LSM2: variants seen among roughly 807,000 people sequenced by gnomAD.
LSM2 encodes the protein U6 snRNA-associated Sm-like protein LSm2.
Under a neutral mutation model 17.0 loss-of-function variants are expected in LSM2, and 12 were observed. That is an observed-to-expected ratio of 0.70 (90% CI 0.45 to 1.14). The LOEUF (loss-of-function observed/expected upper bound fraction) is 1.14. LSM2 is among the 50% of genes most tolerant of loss of function. The pLI, the probability that LSM2 is intolerant of heterozygous loss-of-function variation, is 0.00. For synonymous variants in LSM2, 42 were observed against 44.5 expected, an observed-to-expected ratio of 0.94 and a Z score of 0.22; for missense variants, 62 against 111.8, an observed-to-expected ratio of 0.55 and a Z score of 2.01.
chr6:31,806,684 A>G (rs1815056212), intron 1 of LSM2, 71 bp downstream of exon 1: 10 of 1,584,004 alleles, frequency 6.3e-6, no homozygotes, highest in Non-Finnish European at 8.6e-6. Context: ...CTAGGGGTAC[A>G]AAGGCCAGAT....
At chr6:31,800,634 T>C (rs1035452980) in intron 2 of LSM2, among the ~76,000 whole-genome samples, 1 of 152,056 alleles carries the variant, frequency 6.6e-6, no homozygotes, top group Non-Finnish European at 1.5e-5. Flanking sequence ...ACGCCTATAA[T>C]CTCAGCACTT....
At chr6:31,801,170 C>CAAAA (rs9281582) in intron 2 of LSM2, among the ~76,000 whole-genome samples, 2 of 53,248 alleles carry the variant, frequency 3.8e-5, no homozygotes, top group Admixed American at 2.1e-4. Flanking sequence ...GGATCTGTCT[C>CAAAA]AAAAAAAAAA....
Position 31,806,119 on chromosome 6 carries a change from G to C in LSM2, c.27C>G (p.Ser9=), listed in dbSNP as rs142731699. The change falls in exon 2 of 5, where the codon TCC becomes TCG. Residue 9 remains serine (S), a synonymous_variant. Coordinates refer to ENST00000375661, the MANE Select transcript of LSM2 (RefSeq NM_021177.5). The part of the protein sequence containing the change: MLFYSFFK[S]LVGKDVVVEL... ...CCACGACCACATCCTTGCCCACAAG[G>C]GACTTGAAAAAAGAATAGAAGAGCT... 2 of 1,612,684 alleles carry C rather than the reference G, an allele frequency of 1.2e-6. No homozygotes were observed. The highest frequency in any genetic ancestry group is 4.5e-5 in the East Asian group (2 of 44,904).
rs951787036 is a variant in LSM2, at chr6:31,797,625, A to T, written c.*132T>A. ...TACTCCTCTCATCCACTCATCCCTTAAAAAAAACCCACAAAACCATCATTA... is the reference window on the plus strand; with the variant it reads ...TACTCCTCTCATCCACTCATCCCTTTAAAAAAACCCACAAAACCATCATTA... On this transcript the variant is annotated 3_prime_UTR_variant, in exon 5 of 5. Coordinates refer to ENST00000375661, the MANE Select transcript of LSM2 (RefSeq NM_021177.5). The T allele has an allele frequency of 8.2e-6, 11 of 1,341,904 alleles. No homozygotes were observed. Among genetic ancestry groups the T allele is most frequent in the African/African-American group, 2.9e-5 (2 of 68,546 alleles). The allele number at this position is 1,341,904 out of a possible 1,614,324, so 83.1% of individuals were successfully genotyped here.
chr6:31,799,821 C>T (rs1814592431), intron 2 of LSM2, among the ~76,000 whole-genome samples: 1 of 152,104 alleles, frequency 6.6e-6, no homozygotes, highest in Non-Finnish European at 1.5e-5. Flanking sequence ...TTCCCCAATC[C>T]TCGAGCCCCT....
chr6:31,797,580 A>T lies in LSM2; in HGVS notation c.*177T>A. The T allele has an allele frequency of 1.2e-6, 1 of 853,350 alleles. No individual in the cohort carries two copies. Among genetic ancestry groups the T allele is most frequent in the Non-Finnish European group, 1.8e-6 (1 of 556,514 alleles). 52.9% of individuals were successfully genotyped at this position (853,350 alleles called of 1,614,324 possible). A position where few individuals can be genotyped will look rare whatever the true frequency, so the allele number is the denominator to read the frequency against. Reference sequence around the variant, plus strand: ...GCCTACTTATCCTCCCCTTCTCAAGAGAGGATAGCTGTTCCCTATTACTCC... The same window carrying T: ...GCCTACTTATCCTCCCCTTCTCAAGTGAGGATAGCTGTTCCCTATTACTCC... On this transcript the variant is annotated 3_prime_UTR_variant, in exon 5 of 5. Transcript: ENST00000375661.
chr6:31,801,170 CAA>C lies in LSM2; in HGVS notation c.72-2665_72-2664del, dbSNP rs9281582. On this transcript the variant is annotated intron_variant, in intron 2 of 4. Transcript: ENST00000375661. ...TCGGTGACAGAGTAAGGATCTGTCT[CAA>C]AAAAAAAAAAAAAAAAAAAAGACCC... Among the ~76,000 whole-genome samples the C allele has an allele frequency of 3.8e-3, 204 of 53,260 alleles. 1 individual carries two copies. The highest frequency in any genetic ancestry group is 0.012 in the African/African-American group (188 of 15,746). The allele number at this position is 53,260 out of a possible 152,430, so 34.9% of individuals were successfully genotyped here.
rs1814495114 is a variant in LSM2 at position 31,798,162 on chromosome 6, A to G, written c.103-113T>C. On this transcript the variant is annotated intron_variant, in intron 3 of 4. Transcript: ENST00000375661. ...AATGGTGCCATCTCGGCTCACTGCAATCTCCGCCTCCTGGGTTCAAATGAT... is the reference window on the plus strand; with the variant it reads ...AATGGTGCCATCTCGGCTCACTGCAGTCTCCGCCTCCTGGGTTCAAATGAT... 3.0e-6 allele frequency: 3 copies of G among 997,760 alleles called. No homozygotes were observed. In the Admixed American group the frequency reaches 9.5e-5, roughly 32 times the overall value. The allele number at this position is 997,760 out of a possible 1,614,324, so 61.8% of individuals were successfully genotyped here.
rs1030068884 is a variant in LSM2, at chr6:31,805,974, A to G, written c.71+101T>C. On this transcript the variant is annotated intron_variant, in intron 2 of 4. Transcript: ENST00000375661. ...CCCTATCCATTTATTTCTTCTGTAC[A>G]TCTTCCACCTCGCCTAGCCCTGAAA... 3.2e-5 allele frequency: 33 copies of G among 1,028,772 alleles called. No homozygotes were observed. The African/African-American group carries it at 4.8e-4, about 15-fold the overall frequency. 63.7% of individuals were successfully genotyped at this position (1,028,772 alleles called of 1,614,324 possible).
At chr6:31,800,778 T>C (rs1562325972) in intron 2 of LSM2, among the ~76,000 whole-genome samples, 1 of 151,824 alleles carries the variant, frequency 6.6e-6, no homozygotes, top group Non-Finnish European at 1.5e-5. Context: ...TCCCAGCTAC[T>C]TGGGAGGCTG....
At chr6:31,801,086 A>G in intron 2 of LSM2, among the ~76,000 whole-genome samples, 1 of 148,334 alleles carries the variant, frequency 6.7e-6, no homozygotes, top group Non-Finnish European at 1.5e-5. Flanking sequence ...CACGAGAATC[A>G]TTTGAACACA....
At chr6:31,801,495 A>G (rs923401175) in intron 2 of LSM2, among the ~76,000 whole-genome samples, 2 of 152,182 alleles carry the variant, frequency 1.3e-5, no homozygotes, top group Non-Finnish European at 2.9e-5. Flanking sequence ...GACAACAAAC[A>G]TAAGAGAAAG....
At chr6:31,806,584 T>C (rs1815050560) in intron 1 of LSM2, 171 bp downstream of exon 1, 1 of 904,344 alleles carries the variant, frequency 1.1e-6, no homozygotes, top group African/African-American at 1.7e-5. Flanking sequence ...ATGGAAAAAA[T>C]ATCCCATTTG....
intron 2 of LSM2, among the ~76,000 whole-genome samples, chr6:31,799,791 C>A (rs1440598222): frequency 6.6e-6 from 1 of 152,006 alleles, no homozygotes; most frequent in Non-Finnish European, 1.5e-5. Flanking sequence ...ATGATGCAGG[C>A]ATGAGTGATG....
rs9281580 is a variant in LSM2, at chr6:31,798,733, CTTTTTTTTTTT to C, written c.72-237_72-227del. Among the ~76,000 whole-genome samples the C allele has an allele frequency of 1.0e-4, 9 of 89,852 alleles. 1 individual carries two copies. The highest frequency in any genetic ancestry group is 1.9e-4 in the Non-Finnish European group (9 of 47,428). The allele number at this position is 89,852 out of a possible 152,430, so 58.9% of individuals were successfully genotyped here. A position where few individuals can be genotyped will look rare whatever the true frequency, so the allele number is the denominator to read the frequency against. Reference sequence around the variant, plus strand: ...TCTCCTCTCCCTAAACCAATCCATTCTTTTTTTTTTTTTTTTTTTTTTTGAGATGGAGTCTC... The same window carrying C: ...TCTCCTCTCCCTAAACCAATCCATTCTTTTTTTTTTTTGAGATGGAGTCTC... On this transcript the variant is annotated intron_variant, in intron 2 of 4. Transcript: ENST00000375661.
At chr6:31,806,578 A>C in intron 1 of LSM2, 177 bp downstream of exon 1, 3 of 892,112 alleles carry the variant, frequency 3.4e-6, no homozygotes, top group Non-Finnish European at 5.4e-6. Flanking sequence ...CTCATCATGG[A>C]AAAAATATCC....
At position 31,798,068 on chromosome 6, in the gene LSM2, C is replaced by T. The variant is rs1581672764; in HGVS notation, c.103-19G>A. 7 of 1,558,660 alleles carry T rather than the reference C, an allele frequency of 4.5e-6. No individual in the cohort carries two copies. Among genetic ancestry groups the T allele is most frequent in the Non-Finnish European group, 5.2e-6 (6 of 1,157,270 alleles). On this transcript the variant is annotated intron_variant, in intron 3 of 4. Coordinates refer to ENST00000375661, the MANE Select transcript of LSM2 (RefSeq NM_021177.5). ...TGAGATACTAGGAAAGGAAGATGAA[C>T]ACCATTATTATTATTATTTTTTTTT...
rs1392904879 is a variant in LSM2 at position 31,798,350 on chromosome 6, G to A, written c.102+127C>T. ...GCCTCTCAAAGTGCTGGGATTACAG[G>A]CGTGAGCCACCGTGCCTGGCCGACG... On this transcript the variant is annotated intron_variant, in intron 3 of 4. Coordinates refer to ENST00000375661, the MANE Select transcript of LSM2 (RefSeq NM_021177.5). 1.1e-4 allele frequency: 121 copies of A among 1,125,712 alleles called. 2 individuals carry two copies. The highest frequency in any genetic ancestry group is 5.2e-6 in the Non-Finnish European group (4 of 768,894). The allele number at this position is 1,125,712 out of a possible 1,614,324, so 69.7% of individuals were successfully genotyped here.
At chr6:31,802,082 C>G in intron 2 of LSM2, among the ~76,000 whole-genome samples, 1 of 151,772 alleles carries the variant, frequency 6.6e-6, no homozygotes, top group Non-Finnish European at 1.5e-5. Context: ...GAGTTCAAGA[C>G]CAGCCTGACG....
Sources: gnomAD v4.1 joint callset for allele counts (sites outside exome capture counted in the v4.1 genomes callset) on GRCh38, gnomAD v4.1.1 for gene constraint, MANE v1.5 for transcripts, NCBI Gene and HGNC (gene_info 2026-07-23, HGNC 2026-07-21) for gene names.